The following AGMO variants were observed in gnomAD, a reference collection of about 807,000 sequenced individuals.
AGMO encodes glyceryl-ether monooxygenase.
Under a neutral mutation model 60.2 loss-of-function variants are expected in AGMO, and 75 were observed. The observed-to-expected ratio is 1.25, with a 90% CI of 1.03 to 1.51. The LOEUF is 1.51. Ranked by LOEUF, AGMO falls within the 40% of genes most tolerant of loss-of-function variation. The pLI, the probability that AGMO is intolerant of heterozygous loss-of-function variation, is 0.00. For synonymous variants in AGMO, 261 were observed against 177.1 expected (o/e 1.47, Z -3.76); for missense variants, 763 against 525.5 (o/e 1.45, Z -4.42).
At chr7:15,208,660 G>T (rs1048805077) in intron 12 of AGMO, among the ~76,000 whole-genome samples, 1 of 152,082 alleles carries the variant, frequency 6.6e-6, no homozygotes, top group Non-Finnish European at 1.5e-5. Context: ...AACTATGATA[G>T]CACTATTTTT....
At chr7:15,259,972 G>T (rs536114015) in intron 12 of AGMO, among the ~76,000 whole-genome samples, 1 of 92,296 alleles carries the variant, frequency 1.1e-5, no homozygotes, top group African/African-American at 4.3e-5. Context: ...GTTCAAGATA[G>T]AACCTCCTTA....
At chr7:15,510,387 A>AG (rs1344150886) in intron 3 of AGMO, among the ~76,000 whole-genome samples, 1 of 151,848 alleles carries the variant, frequency 6.6e-6, no homozygotes, top group African/African-American at 2.4e-5. Flanking sequence ...CATGTTGCCC[A>AG]GGCTAATTTT....
rs61727790 is a variant in AGMO, at chr7:15,241,459, CAAAAAAAAAAAAAAAAA to C, written c.1264-40117_1264-40101del. On this transcript the variant is annotated intron_variant, in intron 12 of 12. Transcript: ENST00000342526. ...TGGGCGAAAGAGTGAGACTCCGTCTCAAAAAAAAAAAAAAAAAAAAAAAAAAAAAGACTAGGGAAGAC... is the reference window on the plus strand; with the variant it reads ...TGGGCGAAAGAGTGAGACTCCGTCTCAAAAAAAAAAAAGACTAGGGAAGAC... Among the ~76,000 whole-genome samples the C allele has an allele frequency of 9.2e-3, 471 of 51,380 alleles. 1 individual carries two copies. Among genetic ancestry groups the C allele is most frequent in the African/African-American group, 0.036 (433 of 12,114 alleles). The allele number at this position is 51,380 out of a possible 152,430, so 33.7% of individuals were successfully genotyped here.
intron 3 of AGMO, among the ~76,000 whole-genome samples, chr7:15,483,266 A>T (rs1416679389): frequency 6.6e-6 from 1 of 152,218 alleles, no homozygotes; most frequent in South Asian, 2.1e-4. Flanking sequence ...TGATATTTTT[A>T]AATGGTACAA....
intron 3 of AGMO, among the ~76,000 whole-genome samples, chr7:15,541,463 CT>C (rs1784629783): frequency 6.6e-6 from 1 of 152,112 alleles, no homozygotes. Context: ...CACAAAGCTA[CT>C]TTTTAAATTT....
intron 12 of AGMO, among the ~76,000 whole-genome samples, chr7:15,226,158 A>G (rs1442094561): frequency 6.6e-6 from 1 of 151,978 alleles, no homozygotes; most frequent in Non-Finnish European, 1.5e-5. Flanking sequence ...ATCAAACCTG[A>G]GCTTGGAGGA....
At chr7:15,542,693 C>T (rs1007913678) in intron 3 of AGMO, among the ~76,000 whole-genome samples, 6 of 152,054 alleles carry the variant, frequency 3.9e-5, no homozygotes, top group Non-Finnish European at 8.8e-5. Flanking sequence ...GAGAAAACTA[C>T]CAGTTTGAAA....
intron 5 of AGMO, among the ~76,000 whole-genome samples, chr7:15,395,358 T>G (rs1784330209): frequency 6.6e-6 from 1 of 152,182 alleles, no homozygotes; most frequent in South Asian, 2.1e-4. Flanking sequence ...AAAAAAAATT[T>G]AAGATGCATA....
At chr7:15,223,707 T>C (rs930308715) in intron 12 of AGMO, among the ~76,000 whole-genome samples, 1 of 151,988 alleles carries the variant, frequency 6.6e-6, no homozygotes, top group Non-Finnish European at 1.5e-5. Context: ...AGACAATGCA[T>C]AGTCTCTGAA....
downstream of AGMO, among the ~76,000 whole-genome samples, chr7:15,199,515 G>C (rs529257935): frequency 6.6e-6 from 1 of 152,076 alleles, no homozygotes; most frequent in African/African-American, 2.4e-5. Context: ...AAGCTCTTCT[G>C]ACATACTAAA....
chr7:15,277,253 A>G (rs2128516960), intron 12 of AGMO, among the ~76,000 whole-genome samples: 1 of 152,084 alleles, frequency 6.6e-6, no homozygotes, highest in African/African-American at 2.4e-5. Context: ...GTCAGTGAGT[A>G]CAGATCATGC....
intron 3 of AGMO, among the ~76,000 whole-genome samples, chr7:15,468,048 G>T (rs780143497): frequency 1.3e-5 from 2 of 152,088 alleles, no homozygotes; most frequent in African/African-American, 4.8e-5. Flanking sequence ...TAACAAATCT[G>T]CTCACAACAG....
intron 12 of AGMO, among the ~76,000 whole-genome samples, chr7:15,281,193 T>G (rs1223985423): frequency 1.3e-5 from 2 of 152,086 alleles, no homozygotes; most frequent in African/African-American, 2.4e-5. Flanking sequence ...ACAGGTGCAG[T>G]GCTAGGCTCA....
chr7:15,153,557 T>G, the AGMO span, among the ~76,000 whole-genome samples: 77 of 152,336 alleles, frequency 5.1e-4, no homozygotes, highest in South Asian at 1.9e-3. Context: ...TTCTTCTGCA[T>G]GTGGCTTGTC....
chr7:15,509,024 G>A (rs1278541989), intron 3 of AGMO, among the ~76,000 whole-genome samples: 9 of 152,172 alleles, frequency 5.9e-5, no homozygotes, highest in Non-Finnish European at 1.3e-4. Context: ...CAATTCTACA[G>A]CCCTTAAAAT....
At position 15,212,347 on chromosome 7, in the gene AGMO, A is replaced by T. The variant is rs769433826; in HGVS notation, c.1264-10988T>A. Reference sequence around the variant, plus strand: ...TGTATAAAAAGAATTACATCGAATCAGTCTCTATTAGGTTGTATTCATTCA... The same window carrying T: ...TGTATAAAAAGAATTACATCGAATCTGTCTCTATTAGGTTGTATTCATTCA... On this transcript the variant is annotated intron_variant, in intron 12 of 12. Coordinates refer to ENST00000342526, the MANE Select transcript of AGMO (RefSeq NM_001004320.2). Among the ~76,000 whole-genome samples the T allele has an allele frequency of 3.8e-4, 58 of 151,742 alleles. 1 individual carries two copies. The highest frequency in any genetic ancestry group is 2.6e-4 in the Admixed American group (4 of 15,182).
intron 12 of AGMO, among the ~76,000 whole-genome samples, chr7:15,278,773 G>A (rs767738232): frequency 6.6e-6 from 1 of 152,180 alleles, no homozygotes; most frequent in Non-Finnish European, 1.5e-5. Flanking sequence ...GGCAGTGGTG[G>A]CAATTGCTGT....
intron 12 of AGMO, among the ~76,000 whole-genome samples, chr7:15,223,120 A>G (rs561143978): frequency 3.3e-5 from 5 of 151,914 alleles, no homozygotes; most frequent in African/African-American, 1.2e-4. Context: ...AATCATAACA[A>G]TTAGAATACA....
chr7:15,557,214 C>T (rs781550022), intron 2 of AGMO, among the ~76,000 whole-genome samples: 12 of 152,064 alleles, frequency 7.9e-5, no homozygotes, highest in South Asian at 6.2e-4. Context: ...TGGAAAAACA[C>T]GTTCGCTTTG....
Sources: gnomAD v4.1 joint callset for allele counts (sites outside exome capture counted in the v4.1 genomes callset) on GRCh38, gnomAD v4.1.1 for gene constraint, MANE v1.5 for transcripts, NCBI Gene and HGNC (gene_info 2026-07-23, HGNC 2026-07-21) for gene names.